ARPC2: variants seen among roughly 807,000 people sequenced by gnomAD.
ARPC2 encodes the protein actin-related protein 2/3 complex subunit 2.
Under a neutral mutation model 38.6 loss-of-function variants are expected in ARPC2, and 4 were observed. The ratio of observed to expected loss-of-function variants is 0.10; its 90% CI spans 0.05 to 0.24. The LOEUF is 0.24. Ranked by LOEUF, ARPC2 falls within the 10% of genes least tolerant of loss-of-function variation. The probability of loss-of-function intolerance (pLI) is 1.00; values close to 1 mark genes in which losing one functional copy is unlikely to be tolerated. For synonymous variants in ARPC2, 125 were observed against 140.8 expected (o/e 0.89, Z 0.79); for missense variants, 229 against 387.3 (o/e 0.59, Z 3.43).
At chr2:218,250,385 CGG>C (rs1690156700) in intron 10 of ARPC2, among the ~76,000 whole-genome samples, 1 of 151,994 alleles carries the variant, frequency 6.6e-6, no homozygotes, top group Non-Finnish European at 1.5e-5. Context: ...AGAGCCGTGA[CGG>C]GCGCTGTGGC....
At chr2:218,240,912 G>A (rs911174638) in intron 7 of ARPC2, among the ~76,000 whole-genome samples, 1 of 151,704 alleles carries the variant, frequency 6.6e-6, no homozygotes, top group African/African-American at 2.4e-5. Flanking sequence ...AGAGAGTCCT[G>A]AGAGTTAGCA....
At chr2:218,249,696 C>A in intron 9 of ARPC2, 125 bp from the exon 10 acceptor site, 2 of 935,878 alleles carry the variant, frequency 2.1e-6, no homozygotes, top group Non-Finnish European at 1.6e-6. Flanking sequence ...TGCTTCCCTG[C>A]AGGGCCTGGG....
chr2:218,242,299 T>G (rs1260947969), intron 7 of ARPC2, among the ~76,000 whole-genome samples: 2 of 152,216 alleles, frequency 1.3e-5, no homozygotes, highest in Non-Finnish European at 2.9e-5. Context: ...GACCAGTAAT[T>G]ATGCTTTTGG....
rs1273850795 is a variant in ARPC2, at chr2:218,228,470, T to C, written c.110-268T>C. 2.0e-5 allele frequency among the ~76,000 whole-genome samples: 3 copies of C among 152,188 alleles called. No individual in the cohort carries two copies. In the East Asian group the frequency reaches 5.8e-4, roughly 29 times the overall value. ...TTCATTATACTGTTCGTTCTGCTTATATACATGTAAAATCCAATTATTTCA... is the reference window on the plus strand; with the variant it reads ...TTCATTATACTGTTCGTTCTGCTTACATACATGTAAAATCCAATTATTTCA... On this transcript the variant is annotated intron_variant, in intron 3 of 10. Transcript: ENST00000315717.
rs1425732167 is a variant in ARPC2, at chr2:218,220,381, T to C, written c.74+2837T>C. On this transcript the variant is annotated intron_variant, in intron 2 of 10. Transcript: ENST00000315717. ...TGGCTAAATTTAAGTAAAAATTAAGTTGAAATAAAATTGAGTTCCTCGGTC... is the reference window on the plus strand; with the variant it reads ...TGGCTAAATTTAAGTAAAAATTAAGCTGAAATAAAATTGAGTTCCTCGGTC... Among the ~76,000 whole-genome samples the C allele has an allele frequency of 2.6e-5, 4 of 152,220 alleles. No homozygotes were observed. The East Asian group carries it at 7.7e-4, about 29-fold the overall frequency.
At chr2:218,248,660 C>T (rs539061886) in intron 8 of ARPC2, among the ~76,000 whole-genome samples, 1 of 152,310 alleles carries the variant, frequency 6.6e-6, no homozygotes, top group Non-Finnish European at 1.5e-5. Context: ...GGGGTTTCAC[C>T]ATGTTGGCCA....
Position 218,254,080 on chromosome 2 carries a change from T to C in ARPC2, c.*165T>C, listed in dbSNP as rs2106163083. ...AATAATCTGCAGAAACGAGCTGTGC[T>C]TGCAAAGACTTCATAGTTCCCAAGA... On this transcript the variant is annotated 3_prime_UTR_variant, in exon 11 of 11. Coordinates refer to ENST00000315717, the MANE Select transcript of ARPC2 (RefSeq NM_152862.3). The C allele has an allele frequency of 2.9e-6, 2 of 688,916 alleles. No individual in the cohort carries two copies. The highest frequency in any genetic ancestry group is 3.4e-5 in the Admixed American group (1 of 29,442). The allele number at this position is 688,916 out of a possible 1,614,324, so 42.7% of individuals were successfully genotyped here.
chr2:218,231,001 G>A (rs1406332853), intron 4 of ARPC2, among the ~76,000 whole-genome samples: 1 of 152,160 alleles, frequency 6.6e-6, no homozygotes, highest in Non-Finnish European at 1.5e-5. Context: ...AAGGGTCAAA[G>A]AACCAGCCCC....
intron 2 of ARPC2, 128 bp from the exon 3 acceptor site, chr2:218,225,792 T>C (rs1440898370): frequency 2.6e-6 from 2 of 784,084 alleles, no homozygotes; most frequent in East Asian, 5.5e-5. Context: ...TGTACTCTGA[T>C]TGGCAGTAAC....
chr2:218,225,897 A>C, intron 2 of ARPC2, 23 bp from the exon 3 acceptor site: 3 of 1,613,116 alleles, frequency 1.9e-6, no homozygotes, highest in Non-Finnish European at 1.7e-6. Context: ...ATCTTAACTG[A>C]GGACCTTTTT....
chr2:218,224,264 A>G (rs1257982955), intron 2 of ARPC2, among the ~76,000 whole-genome samples: 2 of 152,164 alleles, frequency 1.3e-5, no homozygotes, highest in Non-Finnish European at 2.9e-5. Context: ...GGTTTTTCTC[A>G]GGTCTTTTGA....
intron 7 of ARPC2, among the ~76,000 whole-genome samples, chr2:218,245,024 A>G (rs1406498092): frequency 1.3e-5 from 2 of 152,222 alleles, no homozygotes; most frequent in Non-Finnish European, 2.9e-5. Context: ...TTCTGTCCGC[A>G]AGAAGAGCTT....
intron 2 of ARPC2, among the ~76,000 whole-genome samples, chr2:218,218,816 A>G (rs1222623739): frequency 6.6e-6 from 1 of 152,216 alleles, no homozygotes; most frequent in African/African-American, 2.4e-5. Context: ...TATCTGTAAA[A>G]CAAAGCACTA....
intron 7 of ARPC2, among the ~76,000 whole-genome samples, chr2:218,239,851 A>G (rs1403559603): frequency 6.6e-6 from 1 of 152,126 alleles, no homozygotes; most frequent in African/African-American, 2.4e-5. Context: ...TCGGCCTCCC[A>G]AAGTGCTGGT....
chr2:218,238,171 G>A (rs1014782839), intron 5 of ARPC2, among the ~76,000 whole-genome samples: 2 of 152,160 alleles, frequency 1.3e-5, no homozygotes, highest in African/African-American at 4.8e-5. Flanking sequence ...TAAAGAGTTT[G>A]CAGTGGCACG....
At chr2:218,252,818 G>A (rs911881103) in intron 10 of ARPC2, 14 of 444,546 alleles carry the variant, frequency 3.1e-5, no homozygotes, top group African/African-American at 1.4e-4. Flanking sequence ...GTTGTGTAGC[G>A]GGCAGGGATA....
At chr2:218,231,343 A>T (rs1196522306) in intron 4 of ARPC2, among the ~76,000 whole-genome samples, 1 of 152,196 alleles carries the variant, frequency 6.6e-6, no homozygotes, top group Non-Finnish European at 1.5e-5. Flanking sequence ...GTTGAACATG[A>T]TATAAATTTG....
chr2:218,248,860 C>T (rs895631003), intron 8 of ARPC2, among the ~76,000 whole-genome samples: 5 of 152,208 alleles, frequency 3.3e-5, no homozygotes, highest in Admixed American at 1.3e-4. Flanking sequence ...GGTTCAGGTC[C>T]TTACACCTTA....
chr2:218,246,151 A>G (rs1235609655), intron 8 of ARPC2, among the ~76,000 whole-genome samples: 3 of 150,390 alleles, frequency 2.0e-5, no homozygotes, highest in Non-Finnish European at 4.4e-5. Flanking sequence ...CGGGAGGTGG[A>G]GGTTGTAATG....
Sources: gnomAD v4.1 joint callset for allele counts (sites outside exome capture counted in the v4.1 genomes callset) on GRCh38, gnomAD v4.1.1 for gene constraint, MANE v1.5 for transcripts, NCBI Gene and HGNC (gene_info 2026-07-23, HGNC 2026-07-21) for gene names.